ADGRL2: variants seen among roughly 807,000 people sequenced by gnomAD.
ADGRL2 encodes adhesion G protein-coupled receptor L2.
ADGRL2 carries 44 observed loss-of-function variants against 157.4 expected under a neutral mutation model. That is an observed-to-expected ratio of 0.28 (90% CI 0.22 to 0.36). The LOEUF (loss-of-function observed/expected upper bound fraction) is 0.36, where lower values mean the gene tolerates loss of function less well. ADGRL2 is among the 10% of genes least tolerant of loss of function. ADGRL2 has a pLI of 1.00. For synonymous variants in ADGRL2, 585 were observed against 624.7 expected, an observed-to-expected ratio of 0.94 and a Z score of 0.95; for missense variants, 1,510 against 1,768.9, an observed-to-expected ratio of 0.85 and a Z score of 2.63.
At chr1:81,380,794 T>C (rs569131192) in intron 1 of ADGRL2, among the ~76,000 whole-genome samples, 3 of 152,278 alleles carry the variant, frequency 2.0e-5, no homozygotes, top group African/African-American at 7.2e-5. Context: ...GTGGTGGTGG[T>C]AGTGGTTTCA....
At chr1:81,573,673 T>C (rs1172537269) in intron 2 of ADGRL2, among the ~76,000 whole-genome samples, 2 of 152,184 alleles carry the variant, frequency 1.3e-5, no homozygotes, top group Admixed American at 1.3e-4. Context: ...GTACTGGCTC[T>C]ATCCCGTACA....
chr1:81,973,233 T>C (rs1572452672), intron 17 of ADGRL2, among the ~76,000 whole-genome samples: 1 of 152,302 alleles, frequency 6.6e-6, no homozygotes, highest in East Asian at 1.9e-4. Flanking sequence ...ATTAAACCAG[T>C]AAAACATTCT....
intron 3 of ADGRL2, among the ~76,000 whole-genome samples, chr1:81,652,660 GT>G (rs2082445405): frequency 1.3e-5 from 2 of 151,958 alleles, no homozygotes; most frequent in South Asian, 4.1e-4. Flanking sequence ...TTTTAAAAAT[GT>G]CAACTTTTTA....
At chr1:81,981,178 C>T in intron 18 of ADGRL2, 1 of 373,306 alleles carries the variant, frequency 2.7e-6, no homozygotes, top group Admixed American at 3.2e-5. Context: ...ACATGGAATG[C>T]ACTGACTTTA....
chr1:81,681,496 A>G (rs1335089508), intron 3 of ADGRL2, among the ~76,000 whole-genome samples: 1 of 152,248 alleles, frequency 6.6e-6, no homozygotes, highest in Non-Finnish European at 1.5e-5. Context: ...TATCAGATCT[A>G]TTTTGAGGTT....
chr1:81,539,849 AG>A (rs2079839609), intron 2 of ADGRL2, among the ~76,000 whole-genome samples: 1 of 152,174 alleles, frequency 6.6e-6, no homozygotes, highest in African/African-American at 2.4e-5. Context: ...TTTCCTTAAA[AG>A]GCAAATCCCA....
intron 3 of ADGRL2, among the ~76,000 whole-genome samples, chr1:81,909,369 A>G (rs879605886): frequency 1.3e-5 from 2 of 152,156 alleles, no homozygotes; most frequent in Non-Finnish European, 2.9e-5. Flanking sequence ...TATCATTTAT[A>G]TAGTTAAGAC....
At chr1:81,352,750 G>T (rs1662996350) in intron 1 of ADGRL2, among the ~76,000 whole-genome samples, 2 of 152,038 alleles carry the variant, frequency 1.3e-5, no homozygotes, top group South Asian at 2.1e-4. Flanking sequence ...AAACACTTTT[G>T]ATGTAGAAGG....
chr1:81,717,727 C>T (rs1017138241), intron 1 of ADGRL2, among the ~76,000 whole-genome samples: 1 of 152,190 alleles, frequency 6.6e-6, no homozygotes, highest in Non-Finnish European at 1.5e-5. Context: ...GGAATTTCAC[C>T]TTCCAGCACA....
chr1:81,426,643 T>G, intron 1 of ADGRL2: 6 of 474,728 alleles, frequency 1.3e-5, no homozygotes, highest in South Asian at 9.6e-5. Context: ...CACTCACAGA[T>G]TGTATGGTAA....
chr1:81,899,785 G>T (rs935907040), intron 2 of ADGRL2, among the ~76,000 whole-genome samples: 2 of 152,092 alleles, frequency 1.3e-5, no homozygotes, highest in African/African-American at 4.8e-5. Flanking sequence ...TAATAGTGTG[G>T]TTAAAAGGCT....
At chr1:81,624,025 A>G (rs1327745520) in intron 3 of ADGRL2, among the ~76,000 whole-genome samples, 13 of 152,144 alleles carry the variant, frequency 8.5e-5, no homozygotes, top group South Asian at 2.1e-4. Flanking sequence ...GGATGGAGGC[A>G]AAGATTGGAG....
intron 1 of ADGRL2, among the ~76,000 whole-genome samples, chr1:81,384,347 G>C (rs2076397976): frequency 6.6e-6 from 1 of 152,150 alleles, no homozygotes; most frequent in Non-Finnish European, 1.5e-5. Flanking sequence ...AAAAAGGTGT[G>C]CATTTGTGGG....
chr1:81,390,427 G>C (rs1292180280), intron 1 of ADGRL2, among the ~76,000 whole-genome samples: 1 of 152,306 alleles, frequency 6.6e-6, no homozygotes, highest in Non-Finnish European at 1.5e-5. Flanking sequence ...TAACATATTG[G>C]TATTAAGGTG....
At chr1:81,482,245 C>A (rs10874250) in intron 2 of ADGRL2, among the ~76,000 whole-genome samples, 125,286 of 152,196 alleles carry the variant, frequency 0.82, 53,276 homozygotes, top group Non-Finnish European at 0.93. Context: ...TGCGGCCAAA[C>A]AAACAGAAAG....
At chr1:81,733,605 T>A (rs193039230) in intron 1 of ADGRL2, among the ~76,000 whole-genome samples, 21 of 152,258 alleles carry the variant, frequency 1.4e-4, no homozygotes, top group Admixed American at 1.2e-3. Flanking sequence ...CCAAATACAG[T>A]CACATTCTGA....
intron 1 of ADGRL2, chr1:81,426,896 TA>T (rs2077227365): frequency 1.5e-6 from 1 of 670,412 alleles, no homozygotes; most frequent in African/African-American, 1.8e-5. Flanking sequence ...CTTTGAAAAG[TA>T]TGGCAAGACT....
At chr1:81,409,860 A>T (rs879811284) in intron 1 of ADGRL2, among the ~76,000 whole-genome samples, 1 of 152,196 alleles carries the variant, frequency 6.6e-6, no homozygotes, top group Non-Finnish European at 1.5e-5. Context: ...AAATCAAGAG[A>T]GCACAGACAC....
At chr1:81,386,678 C>T (rs2076441878) in intron 1 of ADGRL2, among the ~76,000 whole-genome samples, 1 of 152,122 alleles carries the variant, frequency 6.6e-6, no homozygotes, top group Admixed American at 6.6e-5. Context: ...CTGATGCAAA[C>T]AATTGGTGCT....
Sources: allele counts gnomAD v4.1 joint callset (sites outside exome capture counted in the v4.1 genomes callset), GRCh38; gene constraint gnomAD v4.1.1; transcripts MANE v1.5; gene names NCBI Gene and HGNC (gene_info 2026-07-23, HGNC 2026-07-21).